ZFR: variants seen among roughly 807,000 people sequenced by gnomAD.
The protein encoded by ZFR is zinc finger RNA-binding protein.
Under a neutral mutation model 130.7 loss-of-function variants are expected in ZFR, and 19 were observed. That is an observed-to-expected ratio of 0.15 (90% CI 0.10 to 0.21). The LOEUF (loss-of-function observed/expected upper bound fraction) is 0.21, where lower values mean the gene tolerates loss of function less well. Ranked by LOEUF, ZFR falls within the 10% of genes least tolerant of loss-of-function variation. ZFR has a pLI of 1.00. For missense variants in ZFR, 872 were observed against 1,321.5 expected, an observed-to-expected ratio of 0.66 and a Z score of 5.27; for synonymous variants, 466 against 456.9, an observed-to-expected ratio of 1.02 and a Z score of -0.25.
intron 2 of ZFR, among the ~76,000 whole-genome samples, chr5:32,437,767 C>T (rs1352029833): frequency 6.6e-5 from 10 of 152,044 alleles, no homozygotes; most frequent in African/African-American, 2.4e-4. Flanking sequence ...AATCCAACTG[C>T]TTATATAAGC....
chr5:32,380,267 C>G lies in ZFR; in HGVS notation c.2642-95G>C, dbSNP rs543821800. On this transcript the variant is annotated intron_variant, in intron 15 of 19. Coordinates refer to ENST00000265069, the MANE Select transcript of ZFR (RefSeq NM_016107.5). ...TAAGGTAGCATCAGTGTCACATGAGCCATTTGAGAGCTTGTTGGCACTTTA... is the reference window on the plus strand; with the variant it reads ...TAAGGTAGCATCAGTGTCACATGAGGCATTTGAGAGCTTGTTGGCACTTTA... 95 of 796,364 alleles carry G rather than the reference C, an allele frequency of 1.2e-4. No individual in the cohort carries two copies. The African/African-American group carries it at 1.5e-3, about 12-fold the overall frequency. 49.3% of individuals were successfully genotyped at this position (796,364 alleles called of 1,614,324 possible). A position where few individuals can be genotyped will look rare whatever the true frequency, so the allele number is the denominator to read the frequency against.
rs184893263 is a variant in ZFR at position 32,402,342 on chromosome 5, T to A, written c.1516+764A>T. 3.9e-5 allele frequency among the ~76,000 whole-genome samples: 6 copies of A among 152,140 alleles called. No homozygotes were observed. The East Asian group carries it at 1.2e-3, about 29-fold the overall frequency. On this transcript the variant is annotated intron_variant, in intron 8 of 19. Transcript: ENST00000265069. ...CTGTGTCAAGTATTAGGAGAGTCAA[T>A]AGGATGAAACTGAAAACTGGCCACT...
intron 12 of ZFR, 114 bp downstream of exon 12, chr5:32,390,161 A>C: frequency 7.2e-7 from 1 of 1,382,374 alleles, no homozygotes. Flanking sequence ...TCTCAAAAAA[A>C]CTACCAAGAT....
chr5:32,385,368 A>G lies in ZFR; in HGVS notation c.2641+140T>C, dbSNP rs1753022368. The G allele has an allele frequency of 5.3e-6, 5 of 940,690 alleles. No homozygotes were observed. In the South Asian group the frequency reaches 5.6e-5, roughly 10 times the overall value. The allele number at this position is 940,690 out of a possible 1,614,324, so 58.3% of individuals were successfully genotyped here. ...TCTGTGGGAAATTATCTTAGGCAAA[A>G]CCGGTTGCTAAATAAGTCAAATCTA... On this transcript the variant is annotated intron_variant, in intron 15 of 19. Coordinates refer to ENST00000265069, the MANE Select transcript of ZFR (RefSeq NM_016107.5).
Position 32,380,506 on chromosome 5 carries a change from A to G in ZFR, c.2642-334T>C, listed in dbSNP as rs1752910642. On this transcript the variant is annotated intron_variant, in intron 15 of 19. Transcript: ENST00000265069. ...CAAAAATCCACCTTAATGAGTATGTACAATAAACTACTGAGTTTGTTCAGT... is the reference window on the plus strand; with the variant it reads ...CAAAAATCCACCTTAATGAGTATGTGCAATAAACTACTGAGTTTGTTCAGT... The G allele has an allele frequency of 2.1e-5, 4 of 190,690 alleles. No individual in the cohort carries two copies. In the South Asian group the frequency reaches 5.0e-4, roughly 24 times the overall value. The allele number at this position is 190,690 out of a possible 1,614,324, so 11.8% of individuals were successfully genotyped here.
chr5:32,440,586 G>C (rs942358359), intron 2 of ZFR, among the ~76,000 whole-genome samples: 1 of 151,918 alleles, frequency 6.6e-6, no homozygotes, highest in African/African-American at 2.4e-5. Flanking sequence ...GGCAGAGGTT[G>C]CAGTGAGCCA....
rs1294555150 is a variant in ZFR at position 32,395,198 on chromosome 5, C to T, written c.1940G>A (p.Arg647Gln). ...RKQMQKEEYW[R>Q]RREEEERWRM... is the part of the protein sequence containing the mutation. ...CCAACGCTCCTCTTCTTCTCGTCTT[C>T]GCCAGTACTCCTCCTTCTGCATTTG... The change falls in exon 11 of 20, where the codon CGA (arginine) becomes CAA (glutamine). Residue 647 changes from arginine (R) to glutamine (Q), a missense_variant. Physicochemically the swap from Arg to Gln is conservative, Grantham distance 43. Transcript: ENST00000265069. The T allele has an allele frequency of 2.5e-6, 4 of 1,608,902 alleles. No individual in the cohort carries two copies. The highest frequency in any genetic ancestry group is 1.7e-5 in the Admixed American group (1 of 59,314).
At chr5:32,421,136 A>C (rs1176873903) in intron 2 of ZFR, among the ~76,000 whole-genome samples, 1 of 152,206 alleles carries the variant, frequency 6.6e-6, no homozygotes, top group Non-Finnish European at 1.5e-5. Flanking sequence ...TTAGCATATA[A>C]AAGTGTATTT....
intron 11 of ZFR, among the ~76,000 whole-genome samples, 156 bp from the exon 12 acceptor site, chr5:32,390,593 T>C (rs941866913): frequency 6.6e-6 from 1 of 152,180 alleles, no homozygotes; most frequent in Non-Finnish European, 1.5e-5. Flanking sequence ...TTTGCTTTCA[T>C]TGCGAAGTAA....
At chr5:32,378,095 A>G (rs1201064537) in intron 17 of ZFR, among the ~76,000 whole-genome samples, 3 of 152,100 alleles carry the variant, frequency 2.0e-5, no homozygotes, top group Non-Finnish European at 2.9e-5. Context: ...TTTTTTTGAA[A>G]TTTTCAATGA....
chr5:32,365,212 T>C (rs1017975182), intron 17 of ZFR, among the ~76,000 whole-genome samples: 3 of 152,188 alleles, frequency 2.0e-5, no homozygotes, highest in African/African-American at 7.2e-5. Context: ...AGAAACTAGT[T>C]TGGAACCACT....
chr5:32,400,569 T>C (rs1424745002), intron 8 of ZFR, among the ~76,000 whole-genome samples: 1 of 152,132 alleles, frequency 6.6e-6, no homozygotes, highest in African/African-American at 2.4e-5. Context: ...AACTTCCAGT[T>C]GGGTGTGATG....
intron 15 of ZFR, among the ~76,000 whole-genome samples, chr5:32,383,992 A>G (rs973089295): frequency 1.3e-5 from 2 of 152,236 alleles, no homozygotes; most frequent in Non-Finnish European, 2.9e-5. Flanking sequence ...TCAGACAAAA[A>G]TATAATTTTG....
chr5:32,419,336 A>C (rs1753902634), intron 3 of ZFR, among the ~76,000 whole-genome samples: 1 of 151,982 alleles, frequency 6.6e-6, no homozygotes, highest in African/African-American at 2.4e-5. Flanking sequence ...AGCTCATTGC[A>C]AGGAATTTTT....
chr5:32,426,091 A>T lies in ZFR; in HGVS notation c.138-5988T>A, dbSNP rs148836358. Among the ~76,000 whole-genome samples, 489 of 152,354 alleles carry T rather than the reference A, an allele frequency of 3.2e-3. 4 individuals are homozygous for T. Among genetic ancestry groups the T allele is most frequent in the African/African-American group, 0.01 (421 of 41,580 alleles). ...TTAATAAAAACTACTAATTACAGTA[A>T]AATAAGGTTTATAATTAATAGAAAC... is the stretch of plus-strand genomic sequence containing the variant. On this transcript the variant is annotated intron_variant, in intron 2 of 19. Transcript: ENST00000265069.
Position 32,426,518 on chromosome 5 carries a change from G to C in ZFR, c.138-6415C>G, listed in dbSNP as rs146931780. Among the ~76,000 whole-genome samples, 338 of 152,280 alleles carry C rather than the reference G, an allele frequency of 2.2e-3. 2 individuals are homozygous for C. Among genetic ancestry groups the C allele is most frequent in the African/African-American group, 7.4e-3 (308 of 41,548 alleles). ...ACTGAAAGCTTTTCCTCTAAGATCA[G>C]GAAGAAGACAAAGCTGCATGCTTTT... On this transcript the variant is annotated intron_variant, in intron 2 of 19. Coordinates refer to ENST00000265069, the MANE Select transcript of ZFR (RefSeq NM_016107.5).
At chr5:32,380,459 G>A in intron 15 of ZFR, 1 of 249,972 alleles carries the variant, frequency 4.0e-6, no homozygotes, top group Non-Finnish European at 7.9e-6. Flanking sequence ...CTAGCACAAA[G>A]ACAACAAGAC....
chr5:32,423,248 A>C (rs1753995495), intron 2 of ZFR, among the ~76,000 whole-genome samples: 1 of 152,112 alleles, frequency 6.6e-6, no homozygotes, highest in Non-Finnish European at 1.5e-5. Context: ...CAGGAGGATC[A>C]CTTGAGCCCA....
At position 32,444,687 on chromosome 5, in the gene ZFR, A is replaced by T; in HGVS notation, c.-29T>A. ...CTCGGGCTGCTGCTGCTGAACTCTG[A>T]ACTCTCACCCGCTGCCTCCCTCCTC... is the stretch of plus-strand genomic sequence containing the variant. On this transcript the variant is annotated 5_prime_UTR_variant, in exon 1 of 20. Transcript: ENST00000265069. 6.6e-7 allele frequency: 1 copy of T among 1,505,054 alleles called. No homozygotes were observed. The highest frequency in any genetic ancestry group is 8.9e-7 in the Non-Finnish European group (1 of 1,126,858). The allele number at this position is 1,505,054 out of a possible 1,614,324, so 93.2% of individuals were successfully genotyped here.
Sources: gnomAD v4.1 joint callset for allele counts (sites outside exome capture counted in the v4.1 genomes callset) on GRCh38, gnomAD v4.1.1 for gene constraint, MANE v1.5 for transcripts, NCBI Gene and HGNC (gene_info 2026-07-23, HGNC 2026-07-21) for gene names.